The following SLIT3 variants were observed in gnomAD, a reference collection of about 807,000 sequenced individuals.
SLIT3 encodes slit guidance ligand 3.
Under a neutral mutation model 184.0 loss-of-function variants are expected in SLIT3, and 68 were observed. That is an observed-to-expected ratio of 0.37 (90% confidence interval 0.30 to 0.45). The LOEUF is 0.45. Ranked by LOEUF, SLIT3 falls within the 20% of genes least tolerant of loss-of-function variation. The probability of loss-of-function intolerance (pLI) is 1.00; values close to 1 mark genes in which losing one functional copy is unlikely to be tolerated. For synonymous variants in SLIT3, 831 were observed against 828.6 expected (o/e 1.00, Z -0.05); for missense variants, 1,707 against 2,026.0 (o/e 0.84, Z 3.02).
intron 10 of SLIT3, among the ~76,000 whole-genome samples, chr5:168,793,276 G>T (rs1262150232): frequency 1.3e-5 from 2 of 151,846 alleles, no homozygotes; most frequent in Non-Finnish European, 2.9e-5. Context: ...AGAGACAAGA[G>T]CAGGATGTGG....
intron 10 of SLIT3, among the ~76,000 whole-genome samples, chr5:168,793,298 T>C (rs1174903948): frequency 6.6e-6 from 1 of 151,876 alleles, no homozygotes; most frequent in African/African-American, 2.4e-5. Context: ...TCAGTCACAG[T>C]TGAGGGGGAA....
rs780222787 is a variant in SLIT3, at chr5:168,710,976, C to A, written c.2638G>T (p.Gly880Cys). 3.2e-6 allele frequency: 5 copies of A among 1,568,354 alleles called. No homozygotes were observed. The Admixed American group carries it at 9.3e-5, about 29-fold the overall frequency. ...EWVKAGYKEPGIARCSSPEPM... is the reference protein window; with the variant it reads ...EWVKAGYKEPCIARCSSPEPM... ...TCAGGGCTACTGCAGCGGGCGATGC[C>A]AGGCTCCTTGTACCCCGCCTTCACC... Residue 880 changes from glycine to cysteine, a missense_variant, in exon 25 of 36, where the codon GGC (glycine) becomes TGC (cysteine). Transcript: ENST00000519560.
chr5:169,052,004 C>T (rs536302094), intron 4 of SLIT3, among the ~76,000 whole-genome samples: 4 of 152,256 alleles, frequency 2.6e-5, no homozygotes, highest in Admixed American at 2.0e-4. Flanking sequence ...GAAGGAAAGG[C>T]GATGTACTGA....
chr5:168,856,100 C>G (rs1258367625), intron 5 of SLIT3, among the ~76,000 whole-genome samples: 13 of 152,076 alleles, frequency 8.5e-5, no homozygotes, highest in African/African-American at 1.7e-4. Flanking sequence ...CAGAGTGAGA[C>G]TCCATCTTAC....
At chr5:168,841,531 T>A (rs1260145304) in intron 6 of SLIT3, among the ~76,000 whole-genome samples, 3 of 152,178 alleles carry the variant, frequency 2.0e-5, no homozygotes, top group African/African-American at 7.2e-5. Flanking sequence ...CCATCGGGAA[T>A]GAGTCAAAAA....
At chr5:168,920,441 A>C (rs1217359861) in intron 4 of SLIT3, among the ~76,000 whole-genome samples, 2 of 152,130 alleles carry the variant, frequency 1.3e-5, no homozygotes, top group Admixed American at 6.5e-5. Flanking sequence ...TTTTGCTGAG[A>C]GCAGGGGCAA....
chr5:169,237,384 G>A (rs1765239315), intron 3 of SLIT3, among the ~76,000 whole-genome samples: 1 of 152,096 alleles, frequency 6.6e-6, no homozygotes, highest in Non-Finnish European at 1.5e-5. Flanking sequence ...ATCCCCCACT[G>A]TGCTTTATTC....
At chr5:169,042,694 A>G (rs1757486650) in intron 4 of SLIT3, among the ~76,000 whole-genome samples, 1 of 152,200 alleles carries the variant, frequency 6.6e-6, no homozygotes, top group Non-Finnish European at 1.5e-5. Context: ...AGTCACATCA[A>G]AGGGGCATTT....
At chr5:168,894,584 G>A (rs1760594278) in intron 4 of SLIT3, among the ~76,000 whole-genome samples, 1 of 152,156 alleles carries the variant, frequency 6.6e-6, no homozygotes. Context: ...GTGAACTAAG[G>A]AGCCACAGAT....
chr5:168,796,009 C>T (rs576791480), intron 9 of SLIT3, among the ~76,000 whole-genome samples: 1 of 152,346 alleles, frequency 6.6e-6, no homozygotes, highest in South Asian at 2.1e-4. Context: ...CTCAGTTAAA[C>T]AGTCAGCCAC....
intron 4 of SLIT3, among the ~76,000 whole-genome samples, chr5:169,189,378 T>C (rs1763465223): frequency 1.3e-5 from 2 of 151,786 alleles, no homozygotes; most frequent in African/African-American, 4.8e-5. Flanking sequence ...CCCAGTTCCA[T>C]TGCATCCTAG....
chr5:168,868,030 C>T (rs191881519), intron 5 of SLIT3, among the ~76,000 whole-genome samples: 1 of 152,302 alleles, frequency 6.6e-6, no homozygotes, highest in East Asian at 1.9e-4. Flanking sequence ...GCCAACATCT[C>T]AAAATCAAGT....
chr5:169,008,359 C>T, intron 4 of SLIT3, among the ~76,000 whole-genome samples: 1 of 152,186 alleles, frequency 6.6e-6, no homozygotes, highest in African/African-American at 2.4e-5. Flanking sequence ...AAGACAAGGG[C>T]CTGACTTCCC....
intron 4 of SLIT3, among the ~76,000 whole-genome samples, chr5:169,058,679 G>C (rs1053406676): frequency 6.6e-6 from 1 of 152,174 alleles, no homozygotes; most frequent in African/African-American, 2.4e-5. Context: ...TCCTGTGAGG[G>C]GACAGGATGT....
rs1262290374 is a variant in SLIT3, at chr5:168,772,922, C to G, written c.1318G>C (p.Val440Leu). Residue 440 changes from valine to leucine, a missense_variant, in exon 14 of 36, where the codon GTG becomes CTG. Physicochemically the swap from Val to Leu is conservative, Grantham distance 32 (BLOSUM62 1). This residue lies in a region of SLIT3 where 1,307 missense variants were observed against 1,511.6 expected (regional missense o/e 0.86). Transcript: ENST00000519560. The part of the protein sequence containing the change: ...QTLHLAQNPF[V>L]CDCHLKWLAD... ...AGCCACTTCAAGTGGCAGTCGCACA[C>G]AAATGGGTTTTGGGCTAAGTGGCTG... The G allele has an allele frequency of 6.2e-7, 1 of 1,610,880 alleles. No individual in the cohort carries two copies. Among genetic ancestry groups the G allele is most frequent in the Non-Finnish European group, 8.5e-7 (1 of 1,178,276 alleles).
At chr5:168,689,566 T>C in intron 29 of SLIT3, among the ~76,000 whole-genome samples, 1 of 152,238 alleles carries the variant, frequency 6.6e-6, no homozygotes, top group Admixed American at 6.5e-5. Flanking sequence ...TGTTGGATGT[T>C]GGATAATACA....
chr5:168,994,623 C>CCTTTTTTTTT (rs1755447165), intron 4 of SLIT3, among the ~76,000 whole-genome samples: 1 of 47,074 alleles, frequency 2.1e-5, no homozygotes, highest in Admixed American at 3.0e-4. Context: ...TGGCATTCTA[C>CCTTTTTTTTT]TTTTTTTTTT....
rs117969080 is a variant in SLIT3, at chr5:169,052,828, C to T, written c.413+140651G>A. Among the ~76,000 whole-genome samples the T allele has an allele frequency of 1.8e-3, 281 of 152,334 alleles. 7 individuals are homozygous for T. In the East Asian group the frequency reaches 0.044, roughly 24 times the overall value. The stretch of plus-strand genomic sequence containing the variant: ...TGAAATACTGCATCATCACCTCTGT[C>T]TGGTGCCTGCAAATTCAATCGGCCT... On this transcript the variant is annotated intron_variant, in intron 4 of 35. Transcript: ENST00000519560.
chr5:169,279,772 C>A (rs946413928), intron 1 of SLIT3, among the ~76,000 whole-genome samples: 1 of 152,156 alleles, frequency 6.6e-6, no homozygotes, highest in South Asian at 2.1e-4. Context: ...GTTGACTCTG[C>A]CACTTATGAG....
Sources: gnomAD v4.1 joint callset for allele counts (sites outside exome capture counted in the v4.1 genomes callset) on GRCh38, gnomAD v4.1.1 for gene constraint, gnomAD v4.1.1 regional missense constraint, MANE v1.5 for transcripts, NCBI Gene and HGNC (gene_info 2026-07-23, HGNC 2026-07-21) for gene names.